The following PACSIN2 variants were observed in gnomAD, a reference collection of about 807,000 sequenced individuals.
PACSIN2 encodes the protein protein kinase C and casein kinase substrate in neurons protein 2.
Under a neutral mutation model 63.8 loss-of-function variants are expected in PACSIN2, and 25 were observed. The ratio of observed to expected loss-of-function variants is 0.39; its 90% CI spans 0.29 to 0.55. The LOEUF (loss-of-function observed/expected upper bound fraction) is 0.55, where lower values mean the gene tolerates loss of function less well. PACSIN2 is among the 20% of genes least tolerant of loss of function. The pLI, the probability that PACSIN2 is intolerant of heterozygous loss-of-function variation, is 0.62. For missense variants in PACSIN2, 518 were observed against 646.9 expected (o/e 0.80, Z 2.16); for synonymous variants, 255 against 256.2 (o/e 1.00, Z 0.05).
intron 3 of PACSIN2, among the ~76,000 whole-genome samples, chr22:42,892,561 G>A (rs1569231216): frequency 1.3e-5 from 2 of 152,208 alleles, no homozygotes; most frequent in African/African-American, 2.4e-5. Flanking sequence ...AGGTGGAAAC[G>A]AAATGACGAC....
intron 2 of PACSIN2, among the ~76,000 whole-genome samples, chr22:42,904,394 T>G (rs958924642): frequency 1.3e-5 from 2 of 152,218 alleles, no homozygotes; most frequent in Non-Finnish European, 2.9e-5. Flanking sequence ...ATTTGGTATG[T>G]GGCTGCCGTT....
chr22:43,006,155 TAAG>T (rs1002362353), intron 1 of PACSIN2, among the ~76,000 whole-genome samples: 1 of 152,100 alleles, frequency 6.6e-6, no homozygotes, highest in African/African-American at 2.4e-5. Context: ...TGTGAAGCTA[TAAG>T]AAGTCAGCAA....
chr22:42,972,066 G>C (rs547318238), intron 1 of PACSIN2, among the ~76,000 whole-genome samples: 2 of 152,216 alleles, frequency 1.3e-5, no homozygotes, highest in African/African-American at 2.4e-5. Context: ...GTCCAATGGG[G>C]GGGGGAAATG....
intron 1 of PACSIN2, among the ~76,000 whole-genome samples, chr22:43,009,863 C>CTTTTTTTTTTTTTTTTTTTTTTT (rs762256300): frequency 7.6e-6 from 1 of 131,814 alleles, no homozygotes. Flanking sequence ...TTTATTTTTT[C>CTTTTTTTTTTTTTTTTTTTTTTT]TATTTTTTTT....
chr22:42,906,365 T>C (rs930052891), intron 2 of PACSIN2, among the ~76,000 whole-genome samples: 1 of 152,268 alleles, frequency 6.6e-6, no homozygotes, highest in African/African-American at 2.4e-5. Context: ...TGTTGACGTC[T>C]GTTTTCATAA....
intron 1 of PACSIN2, among the ~76,000 whole-genome samples, chr22:42,964,939 C>A (rs1920940694): frequency 1.3e-5 from 2 of 152,188 alleles, no homozygotes; most frequent in African/African-American, 4.8e-5. Context: ...AAATCTGGTT[C>A]ATTTATTTGC....
chr22:42,924,336 G>T (rs778333120), intron 1 of PACSIN2, among the ~76,000 whole-genome samples: 1 of 152,146 alleles, frequency 6.6e-6, no homozygotes, highest in Non-Finnish European at 1.5e-5. Context: ...TTGTATCTGT[G>T]CTACTGTTTT....
At chr22:42,970,737 T>G (rs536330076) in intron 1 of PACSIN2, among the ~76,000 whole-genome samples, 25 of 152,294 alleles carry the variant, frequency 1.6e-4, no homozygotes, top group African/African-American at 6.0e-4. Flanking sequence ...TTAAAATCTT[T>G]AAGTAAGCAA....
chr22:42,884,430 A>T lies in PACSIN2; in HGVS notation c.741T>A (p.Val247=), dbSNP rs1569218382. ...EEKRLRFFRE[V]LLEVQKHLDL... ...CTAGGTGCTTCTGAACCTCCAGCAG[A>T]ACCTCCCGGAAGAAGCGAAGGCGTT... The change falls in exon 6 of 11, where the codon GTT becomes GTA. Residue 247 remains valine (V), a synonymous_variant. Transcript: ENST00000263246. 6.2e-7 allele frequency: 1 copy of T among 1,614,232 alleles called. No homozygotes were observed. Among genetic ancestry groups the T allele is most frequent in the Non-Finnish European group, 8.5e-7 (1 of 1,180,038 alleles).
At chr22:42,992,346 G>A (rs904451149) in intron 1 of PACSIN2, among the ~76,000 whole-genome samples, 21 of 152,132 alleles carry the variant, frequency 1.4e-4, no homozygotes, top group Admixed American at 1.3e-3. Context: ...GAAAAGTTTG[G>A]CAGTGTCTGG....
chr22:43,004,375 A>G (rs1325083832), intron 1 of PACSIN2, among the ~76,000 whole-genome samples: 1 of 152,182 alleles, frequency 6.6e-6, no homozygotes, highest in African/African-American at 2.4e-5. Flanking sequence ...CCCCACGCAC[A>G]TCCTCCTTGG....
chr22:42,918,533 G>A (rs957261904), intron 1 of PACSIN2, among the ~76,000 whole-genome samples: 2 of 152,248 alleles, frequency 1.3e-5, no homozygotes, highest in African/African-American at 4.8e-5. Flanking sequence ...TGATGAAAAG[G>A]CAACCAAGAT....
intron 1 of PACSIN2, among the ~76,000 whole-genome samples, chr22:42,914,758 G>A (rs1028321107): frequency 6.6e-6 from 1 of 152,236 alleles, no homozygotes; most frequent in African/African-American, 2.4e-5. Context: ...GCTCCGGACT[G>A]AGAGGCAGCT....
At chr22:42,974,200 T>C (rs1395322152) in intron 1 of PACSIN2, among the ~76,000 whole-genome samples, 1 of 152,186 alleles carries the variant, frequency 6.6e-6, no homozygotes, top group Non-Finnish European at 1.5e-5. Flanking sequence ...TTATCCGCCA[T>C]CCAGTGTACC....
chr22:42,893,086 T>C (rs987048538), intron 3 of PACSIN2, among the ~76,000 whole-genome samples: 1 of 152,226 alleles, frequency 6.6e-6, no homozygotes, highest in South Asian at 2.1e-4. Context: ...ACCTGCTACA[T>C]GGCCAAGTTT....
chr22:42,991,180 T>C (rs569172031), intron 1 of PACSIN2, among the ~76,000 whole-genome samples: 4 of 152,316 alleles, frequency 2.6e-5, no homozygotes, highest in South Asian at 2.1e-4. Flanking sequence ...TACAATGGTA[T>C]AGACTTGGAG....
chr22:42,918,408 A>C (rs918413740), intron 1 of PACSIN2, among the ~76,000 whole-genome samples: 3 of 152,196 alleles, frequency 2.0e-5, no homozygotes, highest in Non-Finnish European at 2.9e-5. Context: ...ACCACCATCC[A>C]AGCAGCTACC....
intron 3 of PACSIN2, 36 bp downstream of exon 3, chr22:42,893,420 GC>G: frequency 1.9e-6 from 3 of 1,602,426 alleles, no homozygotes; most frequent in Middle Eastern, 2.0e-4. Flanking sequence ...GGGTGTAGCT[GC>G]CTCCAGGCCA....
Position 43,013,886 on chromosome 22 carries a change from G to A in PACSIN2, c.-78+1135C>T, listed in dbSNP as rs938157896. 2.6e-5 allele frequency among the ~76,000 whole-genome samples: 4 copies of A among 152,174 alleles called. 1 individual carries two copies. Among genetic ancestry groups the A allele is most frequent in the African/African-American group, 9.7e-5 (4 of 41,440 alleles). ...AACACCGGACAGGCGGAGGGAAAAA[G>A]AGAAGACAGGATCCAGGAATGGTGC... On this transcript the variant is annotated intron_variant, in intron 1 of 10. Transcript: ENST00000263246.
Sources: allele counts gnomAD v4.1 joint callset (sites outside exome capture counted in the v4.1 genomes callset), GRCh38; gene constraint gnomAD v4.1.1; transcripts MANE v1.5; gene names NCBI Gene and HGNC (gene_info 2026-07-23, HGNC 2026-07-21).